Variants in CNTN4 observed in about 807,000 individuals in gnomAD.
CNTN4 encodes the protein contactin-4.
Under a neutral mutation model 122.5 loss-of-function variants are expected in CNTN4, and 77 were observed. That is an observed-to-expected ratio of 0.63 (90% CI 0.52 to 0.76). The LOEUF (loss-of-function observed/expected upper bound fraction) is 0.76. Ranked by LOEUF, CNTN4 falls within the 30% of genes least tolerant of loss-of-function variation. The pLI is 0.00. For missense variants in CNTN4, 1,256 were observed against 1,259.1 expected (o/e 1.00, Z 0.04); for synonymous variants, 512 against 447.0 (o/e 1.15, Z -1.83).
intron 12 of CNTN4, among the ~76,000 whole-genome samples, chr3:2,916,808 G>A (rs1292796882): frequency 6.6e-6 from 1 of 150,604 alleles, no homozygotes; most frequent in Non-Finnish European, 1.5e-5. Flanking sequence ...CTCCCAGACG[G>A]GGCCGCCGGG....
chr3:2,599,807 T>C (rs2080942386), intron 4 of CNTN4, among the ~76,000 whole-genome samples: 1 of 152,104 alleles, frequency 6.6e-6, no homozygotes, highest in Non-Finnish European at 1.5e-5. Context: ...ATCAAGTTCC[T>C]GAGGGAATTA....
intron 2 of CNTN4, among the ~76,000 whole-genome samples, chr3:2,160,005 CCTCT>C (rs1028701133): frequency 2.6e-5 from 4 of 151,936 alleles, no homozygotes; most frequent in Non-Finnish European, 5.9e-5. Flanking sequence ...CTTTGTGTTT[CCTCT>C]CTGTCTTCCT....
At chr3:2,892,440 T>C (rs1280128593) in intron 10 of CNTN4, among the ~76,000 whole-genome samples, 4 of 152,220 alleles carry the variant, frequency 2.6e-5, no homozygotes, top group African/African-American at 9.7e-5. Context: ...TCTGGAAAGC[T>C]AACAGCTTAC....
chr3:2,846,118 G>A (rs2150576695), intron 7 of CNTN4, among the ~76,000 whole-genome samples: 1 of 152,288 alleles, frequency 6.6e-6, no homozygotes, highest in Non-Finnish European at 1.5e-5. Flanking sequence ...AAGATTTGGA[G>A]AAATCCTGTA....
At chr3:2,413,419 A>C (rs369865238) in intron 3 of CNTN4, among the ~76,000 whole-genome samples, 16 of 152,254 alleles carry the variant, frequency 1.1e-4, no homozygotes, top group African/African-American at 3.9e-4. Flanking sequence ...AATGGTGTTA[A>C]GTGTGAAAGA....
At chr3:2,121,660 A>G (rs537749280) in intron 2 of CNTN4, among the ~76,000 whole-genome samples, 1 of 152,206 alleles carries the variant, frequency 6.6e-6, no homozygotes, top group African/African-American at 2.4e-5. Flanking sequence ...TCCATTTCAC[A>G]ATCTGAAGAA....
At chr3:2,690,841 T>G (rs1376033740) in intron 4 of CNTN4, among the ~76,000 whole-genome samples, 1 of 152,222 alleles carries the variant, frequency 6.6e-6, no homozygotes, top group Non-Finnish European at 1.5e-5. Context: ...CCACACTCAT[T>G]CCTTTGCATA....
chr3:2,775,867 A>G (rs1053410531), intron 6 of CNTN4, among the ~76,000 whole-genome samples: 2 of 152,138 alleles, frequency 1.3e-5, no homozygotes, highest in Non-Finnish European at 2.9e-5. Context: ...GGAACCTTTT[A>G]TAATATATTC....
intron 4 of CNTN4, among the ~76,000 whole-genome samples, chr3:2,678,319 G>T (rs568516321): frequency 6.6e-6 from 1 of 152,052 alleles, no homozygotes; most frequent in East Asian, 1.9e-4. Context: ...AAATTTTTTT[G>T]ATCCTTGGTC....
chr3:2,716,269 A>C (rs376208011), intron 4 of CNTN4, among the ~76,000 whole-genome samples: 7 of 152,118 alleles, frequency 4.6e-5, no homozygotes, highest in Admixed American at 2.0e-4. Flanking sequence ...ATTTCTTAAT[A>C]TATTGTAATT....
intron 2 of CNTN4, among the ~76,000 whole-genome samples, chr3:2,108,211 T>G (rs2032621705): frequency 6.6e-6 from 1 of 151,450 alleles, no homozygotes; most frequent in African/African-American, 2.4e-5. Flanking sequence ...CCTCTCTCTT[T>G]GGCCTCCTCT....
chr3:2,325,835 A>G (rs1337643153), intron 2 of CNTN4, among the ~76,000 whole-genome samples: 7 of 152,248 alleles, frequency 4.6e-5, no homozygotes, highest in Non-Finnish European at 7.3e-5. Context: ...TGTGTACTTT[A>G]GAAATAAAAA....
chr3:2,159,419 C>A (rs187140275), intron 2 of CNTN4, among the ~76,000 whole-genome samples: 4 of 152,198 alleles, frequency 2.6e-5, no homozygotes, highest in Non-Finnish European at 1.5e-5. Context: ...GGTTCTTTTT[C>A]AAGCTTTTCA....
At chr3:2,450,601 G>T (rs1428211742) in intron 3 of CNTN4, among the ~76,000 whole-genome samples, 1 of 151,940 alleles carries the variant, frequency 6.6e-6, no homozygotes, top group Non-Finnish European at 1.5e-5. Flanking sequence ...GTGTCACTTT[G>T]TCTCCTGTCC....
chr3:2,481,005 A>ATTC (rs2075975101), intron 3 of CNTN4, among the ~76,000 whole-genome samples: 2 of 105,862 alleles, frequency 1.9e-5, no homozygotes, highest in East Asian at 6.4e-4. Context: ...TAGTTTTTTT[A>ATTC]ATTCTTTCTT....
chr3:2,883,823 GC>G (rs1456651023), intron 9 of CNTN4, among the ~76,000 whole-genome samples: 13 of 152,282 alleles, frequency 8.5e-5, no homozygotes, highest in South Asian at 2.1e-4. Flanking sequence ...CTTGAGAAAA[GC>G]CTACTTCTAA....
At chr3:2,811,582 T>C (rs1480187772) in intron 6 of CNTN4, among the ~76,000 whole-genome samples, 1 of 149,894 alleles carries the variant, frequency 6.7e-6, no homozygotes, top group Non-Finnish European at 1.5e-5. Flanking sequence ...TGCCTCAGCG[T>C]CCCGAGTAGC....
At chr3:2,246,502 G>T (rs1040917081) in intron 2 of CNTN4, among the ~76,000 whole-genome samples, 2 of 152,074 alleles carry the variant, frequency 1.3e-5, no homozygotes, top group African/African-American at 4.8e-5. Context: ...CTGGCCCATA[G>T]CTGTGCTGGG....
Position 2,225,160 on chromosome 3 carries a change from C to CAAA in CNTN4, c.-144-114011_-144-114009dup, listed in dbSNP as rs1553604629. On this transcript the variant is annotated intron_variant, in intron 2 of 24. Transcript: ENST00000418658. ...GGCGAGACTCTGTACCCACCACCCC[C>CAAA]AAAAAAAAAGAAGTAATAAGGTTTG... Among the ~76,000 whole-genome samples the CAAA allele has an allele frequency of 1.4e-3, 206 of 149,252 alleles. 2 individuals carry two copies. The highest frequency in any genetic ancestry group is 4.9e-3 in the African/African-American group (196 of 40,262).
Sources: gnomAD v4.1 joint callset for allele counts (sites outside exome capture counted in the v4.1 genomes callset) on GRCh38, gnomAD v4.1.1 for gene constraint, MANE v1.5 for transcripts, NCBI Gene and HGNC (gene_info 2026-07-23, HGNC 2026-07-21) for gene names.